TMCC1: variants seen among roughly 807,000 people sequenced by gnomAD.
The protein encoded by TMCC1 is transmembrane and coiled-coil domain family 1.
In TMCC1, 15 loss-of-function variants were observed where a neutral mutation model predicts 52.4. The observed-to-expected ratio is 0.29, with a 90% CI of 0.19 to 0.44. The LOEUF is 0.44. Ranked by LOEUF, TMCC1 falls within the 20% of genes least tolerant of loss-of-function variation. The pLI is 1.00. For synonymous variants in TMCC1, 279 were observed against 301.9 expected, an observed-to-expected ratio of 0.92 and a Z score of 0.79; for missense variants, 503 against 806.0, an observed-to-expected ratio of 0.62 and a Z score of 4.55.
chr3:129,812,993 T>C lies in TMCC1; in HGVS notation c.576+14810A>G, dbSNP rs1013035401. The stretch of plus-strand genomic sequence containing the variant: ...AAATCAGACAACCCTCATTAAAAAG[T>C]GGGCAAACGACATGAACGAACACTT... On this transcript the variant is annotated intron_variant, in intron 4 of 6. Transcript: ENST00000393238. Among the ~76,000 whole-genome samples the C allele has an allele frequency of 2.0e-5, 3 of 152,178 alleles. No homozygotes were observed. In the East Asian group the frequency reaches 5.8e-4, roughly 29 times the overall value.
intron 2 of TMCC1, among the ~76,000 whole-genome samples, chr3:129,863,193 G>C (rs944894065): frequency 1.3e-5 from 2 of 152,106 alleles, no homozygotes; most frequent in African/African-American, 4.8e-5. Flanking sequence ...GTATGCATAC[G>C]TAAAAATTCA....
chr3:129,854,576 C>G (rs2060067122), intron 2 of TMCC1, among the ~76,000 whole-genome samples: 1 of 152,068 alleles, frequency 6.6e-6, no homozygotes, highest in Non-Finnish European at 1.5e-5. Flanking sequence ...CTCTAACTCT[C>G]ACTGTTCAAG....
intron 4 of TMCC1, among the ~76,000 whole-genome samples, chr3:129,786,704 A>G (rs796661032): frequency 2.6e-5 from 4 of 152,324 alleles, no homozygotes; most frequent in African/African-American, 9.6e-5. Flanking sequence ...GAACTTTCCC[A>G]TAAGAGTCAT....
rs1397245664 is a variant in TMCC1, at chr3:129,880,422, T to C, written c.-297A>G. On this transcript the variant is annotated 5_prime_UTR_variant, in exon 2 of 7. Coordinates refer to ENST00000393238, the MANE Select transcript of TMCC1 (RefSeq NM_001017395.5). ...TTTAAAAAGACATAGAAACAGAAGA[T>C]CCATATGAAAAAGAGATCCAATCTG... is the stretch of plus-strand genomic sequence containing the variant. The C allele has an allele frequency of 6.6e-6, 1 of 152,046 alleles. No individual in the cohort carries two copies. Among genetic ancestry groups the C allele is most frequent in the Non-Finnish European group, 1.5e-5 (1 of 68,010 alleles). 9.4% of individuals were successfully genotyped at this position (152,046 alleles called of 1,614,324 possible).
rs1385692964 is a variant in TMCC1 at position 129,794,379 on chromosome 3, T to C, written c.576+33424A>G. 5 of 456,156 alleles carry C rather than the reference T, an allele frequency of 1.1e-5. No individual in the cohort carries two copies. The East Asian group carries it at 3.5e-4, about 32-fold the overall frequency. The allele number at this position is 456,156 out of a possible 1,614,324, so 28.3% of individuals were successfully genotyped here. A position where few individuals can be genotyped will look rare whatever the true frequency, so the allele number is the denominator to read the frequency against. ...CTGAACCATGATCACCCAGAGGATC[T>C]TCAGACAAAGCAATCCACGAAGGGT... is the stretch of plus-strand genomic sequence containing the variant. On this transcript the variant is annotated intron_variant, in intron 4 of 6. Transcript: ENST00000393238.
At chr3:129,744,108 T>C (rs1186171793) in intron 4 of TMCC1, among the ~76,000 whole-genome samples, 3 of 152,194 alleles carry the variant, frequency 2.0e-5, no homozygotes, top group African/African-American at 7.2e-5. Context: ...CCAAGTTAGA[T>C]GCAAAATAGA....
intron 2 of TMCC1, among the ~76,000 whole-genome samples, chr3:129,841,017 G>C (rs2059401812): frequency 6.6e-6 from 1 of 152,162 alleles, no homozygotes; most frequent in Non-Finnish European, 1.5e-5. Flanking sequence ...GGAAAGTTTG[G>C]AACTTCCTAG....
At chr3:129,846,956 G>C (rs888820773) in intron 2 of TMCC1, 1 of 148,210 alleles carries the variant, frequency 6.7e-6, no homozygotes, top group Non-Finnish European at 1.5e-5. Flanking sequence ...TCACACCACT[G>C]TACCTCATCC....
At chr3:129,847,212 G>C (rs1295589280) in intron 2 of TMCC1, 2 of 152,160 alleles carry the variant, frequency 1.3e-5, no homozygotes, top group African/African-American at 4.8e-5. Flanking sequence ...CAATGAGCAA[G>C]CAAACATGTG....
At chr3:129,859,943 T>C (rs2060313140) in intron 2 of TMCC1, among the ~76,000 whole-genome samples, 1 of 152,148 alleles carries the variant, frequency 6.6e-6, no homozygotes, top group Non-Finnish European at 1.5e-5. Context: ...GCAACTTATC[T>C]CACTACATCA....
intron 4 of TMCC1, among the ~76,000 whole-genome samples, chr3:129,741,114 C>T (rs1424819779): frequency 6.6e-6 from 1 of 152,006 alleles, no homozygotes; most frequent in African/African-American, 2.4e-5. Flanking sequence ...ATCTTTCAAG[C>T]AAAAATCATG....
chr3:129,701,154 A>C (rs1204338613), intron 4 of TMCC1, among the ~76,000 whole-genome samples: 2 of 152,248 alleles, frequency 1.3e-5, no homozygotes, highest in Non-Finnish European at 2.9e-5. Flanking sequence ...TGAGTGAATA[A>C]GTTTTTCCGA....
chr3:129,811,558 G>A (rs909299128), intron 4 of TMCC1, among the ~76,000 whole-genome samples: 6 of 152,174 alleles, frequency 3.9e-5, no homozygotes, highest in Non-Finnish European at 5.9e-5. Context: ...ATGAGCCACT[G>A]TGTCCAACCA....
chr3:129,780,983 C>T (rs1388027914), intron 4 of TMCC1, among the ~76,000 whole-genome samples: 1 of 152,102 alleles, frequency 6.6e-6, no homozygotes, highest in Non-Finnish European at 1.5e-5. Flanking sequence ...TTTCAAGTCA[C>T]ATGAGGCTAG....
chr3:129,891,792 C>T (rs784711), intron 1 of TMCC1, among the ~76,000 whole-genome samples: 6,734 of 152,232 alleles, frequency 0.044, 616 homozygotes, highest in East Asian at 0.4. Flanking sequence ...TCCATAAATG[C>T]CACTCTGAGG....
intron 5 of TMCC1, among the ~76,000 whole-genome samples, chr3:129,659,221 T>C (rs2086866972): frequency 6.6e-6 from 1 of 151,580 alleles, no homozygotes; most frequent in Non-Finnish European, 1.5e-5. Context: ...CACCTCAGCC[T>C]TCTGAGTAGC....
intron 4 of TMCC1, among the ~76,000 whole-genome samples, chr3:129,788,204 C>A (rs2056178029): frequency 6.6e-6 from 1 of 152,164 alleles, no homozygotes; most frequent in South Asian, 2.1e-4. Context: ...AAAAAACTAG[C>A]ACACTTCCAA....
At chr3:129,658,393 C>A (rs2086806691) in intron 5 of TMCC1, among the ~76,000 whole-genome samples, 1 of 152,176 alleles carries the variant, frequency 6.6e-6, no homozygotes, top group African/African-American at 2.4e-5. Flanking sequence ...CTTTGACTTA[C>A]GATGGGGTTA....
chr3:129,661,100 GTC>G (rs1332269287), intron 5 of TMCC1, among the ~76,000 whole-genome samples: 1 of 152,204 alleles, frequency 6.6e-6, no homozygotes, highest in Admixed American at 6.5e-5. Flanking sequence ...CTCAAGCTGA[GTC>G]TTCCCAAATA....
Sources: allele counts gnomAD v4.1 joint callset (sites outside exome capture counted in the v4.1 genomes callset), GRCh38; gene constraint gnomAD v4.1.1; transcripts MANE v1.5; gene names NCBI Gene and HGNC (gene_info 2026-07-23, HGNC 2026-07-21).